Variants in CSTPP1 observed in about 807,000 individuals in gnomAD.
The protein encoded by CSTPP1 is centriolar satellite-associated tubulin polyglutamylase complex regulator 1, also known as UPF0705 protein C11orf49.
At chr11:47,008,460 G>T in the CSTPP1 span, among the ~76,000 whole-genome samples, 1 of 152,028 alleles carries the variant, frequency 6.6e-6, no homozygotes, top group Non-Finnish European at 1.5e-5. Flanking sequence ...GAGATATCTG[G>T]TATGACAGTA....
At chr11:47,158,710 T>C in the CSTPP1 span, among the ~76,000 whole-genome samples, 4 of 152,130 alleles carry the variant, frequency 2.6e-5, no homozygotes, top group African/African-American at 9.7e-5. Flanking sequence ...AATTTTTGTG[T>C]TTTTTGTACA....
the CSTPP1 span, among the ~76,000 whole-genome samples, chr11:47,149,269 T>C: frequency 1.3e-5 from 2 of 152,192 alleles, no homozygotes; most frequent in Non-Finnish European, 2.9e-5. Context: ...TTGTGCAGAC[T>C]CTCACTGGCA....
the CSTPP1 span, among the ~76,000 whole-genome samples, chr11:47,125,237 G>A: frequency 6.6e-6 from 1 of 152,174 alleles, no homozygotes; most frequent in Admixed American, 6.5e-5. Context: ...TCTGGTTCTT[G>A]CTGTTTCTGT....
chr11:47,044,197 C>T, the CSTPP1 span, among the ~76,000 whole-genome samples: 1 of 152,038 alleles, frequency 6.6e-6, no homozygotes, highest in East Asian at 1.9e-4. Context: ...CCATATTGGC[C>T]AGGCTGGTCA....
chr11:46,992,702 G>A, the CSTPP1 span, among the ~76,000 whole-genome samples: 2 of 152,102 alleles, frequency 1.3e-5, no homozygotes, highest in East Asian at 1.9e-4. Flanking sequence ...AAACATACAT[G>A]TGCATGTGTC....
At chr11:47,027,153 A>AC in the CSTPP1 span, among the ~76,000 whole-genome samples, 1 of 152,130 alleles carries the variant, frequency 6.6e-6, no homozygotes, top group Admixed American at 6.6e-5. Context: ...GCCTTATAAA[A>AC]AAAGATATTC....
chr11:47,045,579 C>G, the CSTPP1 span, among the ~76,000 whole-genome samples: 2 of 152,072 alleles, frequency 1.3e-5, no homozygotes, highest in Non-Finnish European at 2.9e-5. Context: ...TTTGTCACTT[C>G]CAAACCAGAA....
the CSTPP1 span, among the ~76,000 whole-genome samples, chr11:46,937,899 G>A: frequency 1.3e-5 from 2 of 151,826 alleles, no homozygotes; most frequent in African/African-American, 4.8e-5. Flanking sequence ...GTTTTGTTTT[G>A]TTTTGTTTTT....
the CSTPP1 span, among the ~76,000 whole-genome samples, chr11:47,046,122 C>T: frequency 6.6e-6 from 1 of 151,604 alleles, no homozygotes; most frequent in Non-Finnish European, 1.5e-5. Flanking sequence ...GGTATATTGT[C>T]CTGTAGGTAT....
chr11:46,967,000 A>G, the CSTPP1 span, among the ~76,000 whole-genome samples: 226 of 152,256 alleles, frequency 1.5e-3, no homozygotes, highest in African/African-American at 5.2e-3. Flanking sequence ...GTGACCTTAT[A>G]TGGCTGGGAG....
At chr11:47,114,193 T>C in the CSTPP1 span, among the ~76,000 whole-genome samples, 1 of 152,176 alleles carries the variant, frequency 6.6e-6, no homozygotes, top group African/African-American at 2.4e-5. Flanking sequence ...CTCTGTTCTG[T>C]TCCATTGGTC....
At chr11:46,953,264 A>T in the CSTPP1 span, among the ~76,000 whole-genome samples, 1 of 152,158 alleles carries the variant, frequency 6.6e-6, no homozygotes, top group South Asian at 2.1e-4. Flanking sequence ...CGTTTCAAGA[A>T]GTTTGACCAA....
At chr11:47,127,411 C>T in the CSTPP1 span, among the ~76,000 whole-genome samples, 1 of 152,168 alleles carries the variant, frequency 6.6e-6, no homozygotes, top group East Asian at 1.9e-4. Context: ...GGGAAAGTGG[C>T]GCACCTGCCT....
At chr11:47,160,928 T>C in the CSTPP1 span, 1 of 641,646 alleles carries the variant, frequency 1.6e-6, no homozygotes, top group South Asian at 2.0e-5. Flanking sequence ...GGCAGTGGGA[T>C]TCAATAAATG....
chr11:47,058,749 G>A, the CSTPP1 span, among the ~76,000 whole-genome samples: 1 of 152,118 alleles, frequency 6.6e-6, no homozygotes, highest in East Asian at 1.9e-4. Context: ...ACTTGCTGTA[G>A]GTCACACACC....
chr11:46,939,332 A>G, the CSTPP1 span, among the ~76,000 whole-genome samples: 3 of 151,568 alleles, frequency 2.0e-5, no homozygotes. Flanking sequence ...CAGGTGATCC[A>G]CCCACCTCGG....
At chr11:47,125,176 A>G in the CSTPP1 span, among the ~76,000 whole-genome samples, 1 of 152,224 alleles carries the variant, frequency 6.6e-6, no homozygotes, top group Non-Finnish European at 1.5e-5. Flanking sequence ...GGAAAGACAA[A>G]GGTAGATTCA....
At chr11:47,094,308 T>C in the CSTPP1 span, among the ~76,000 whole-genome samples, 2 of 152,154 alleles carry the variant, frequency 1.3e-5, no homozygotes, top group African/African-American at 2.4e-5. Context: ...TTTCCAGGGA[T>C]TGGGGAAGGG....
chr11:47,044,727 T>C, the CSTPP1 span, among the ~76,000 whole-genome samples: 1 of 152,056 alleles, frequency 6.6e-6, no homozygotes, highest in African/African-American at 2.4e-5. Context: ...CTGAGCAACA[T>C]AGCGAGCTCC....
Sources: gnomAD v4.1 joint callset for allele counts (sites outside exome capture counted in the v4.1 genomes callset) on GRCh38, gnomAD v4.1.1 for gene constraint, MANE v1.5 for transcripts, NCBI Gene and HGNC (gene_info 2026-07-23, HGNC 2026-07-21) for gene names.